Variants in PDE3B observed in about 807,000 individuals in gnomAD.
PDE3B encodes the protein cGMP-inhibited 3',5'-cyclic phosphodiesterase 3B.
Under a neutral mutation model 116.8 loss-of-function variants are expected in PDE3B, and 66 were observed. The observed-to-expected ratio is 0.56, with a 90% CI of 0.46 to 0.69. The LOEUF (loss-of-function observed/expected upper bound fraction) is 0.69. PDE3B is among the 30% of genes least tolerant of loss of function. The pLI, the probability that PDE3B is intolerant of heterozygous loss-of-function variation, is 0.00. For missense variants in PDE3B, 1,384 were observed against 1,368.1 expected (o/e 1.01, Z -0.18); for synonymous variants, 595 against 533.6 (o/e 1.12, Z -1.59).
At chr11:14,890,763 C>G in the PDE3B span, 1 of 614,794 alleles carries the variant, frequency 1.6e-6, no homozygotes, top group Non-Finnish European at 2.0e-6. Context: ...TTAGCCACGA[C>G]GGTCTCGATC....
chr11:14,659,824 C>T (rs1590038206), intron 1 of PDE3B, among the ~76,000 whole-genome samples: 1 of 152,178 alleles, frequency 6.6e-6, no homozygotes, highest in South Asian at 2.1e-4. Flanking sequence ...CCTATTTCTG[C>T]TTACCCTGAA....
At chr11:14,711,126 A>G (rs1007226710) in intron 1 of PDE3B, among the ~76,000 whole-genome samples, 8 of 152,240 alleles carry the variant, frequency 5.3e-5, no homozygotes, top group African/African-American at 1.9e-4. Context: ...CCGTATTGCA[A>G]GTAAACATCT....
intron 4 of PDE3B, 70 bp from the exon 5 acceptor site, chr11:14,803,874 G>T (rs889103219): frequency 2.1e-5 from 18 of 866,366 alleles, no homozygotes; most frequent in Admixed American, 1.3e-4. Flanking sequence ...ATTAAATTGA[G>T]AACCATGAGG....
chr11:14,661,965 G>A (rs1250504624), intron 1 of PDE3B, among the ~76,000 whole-genome samples: 1 of 152,134 alleles, frequency 6.6e-6, no homozygotes, highest in Non-Finnish European at 1.5e-5. Context: ...GGTTCTCCCA[G>A]CACGCAGCTG....
At chr11:14,749,317 TC>T (rs1310660340) in intron 1 of PDE3B, among the ~76,000 whole-genome samples, 6 of 152,210 alleles carry the variant, frequency 3.9e-5, no homozygotes, top group Non-Finnish European at 8.8e-5. Context: ...TGCTTGAATT[TC>T]CTTAAACACA....
intron 15 of PDE3B, among the ~76,000 whole-genome samples, chr11:14,868,925 G>A (rs1555008542): frequency 6.6e-6 from 1 of 152,128 alleles, no homozygotes; most frequent in African/African-American, 2.4e-5. Flanking sequence ...GGAGGCTGAG[G>A]CAGGAGAATG....
chr11:14,764,431 A>G (rs1857441496), intron 1 of PDE3B, among the ~76,000 whole-genome samples: 1 of 152,150 alleles, frequency 6.6e-6, no homozygotes, highest in Non-Finnish European at 1.5e-5. Flanking sequence ...AATCAGTAGA[A>G]TCACTAAGCC....
At chr11:14,851,121 C>T (rs550900179) in intron 12 of PDE3B, among the ~76,000 whole-genome samples, 1 of 152,082 alleles carries the variant, frequency 6.6e-6, no homozygotes, top group African/African-American at 2.4e-5. Flanking sequence ...CCACGCCTGG[C>T]CCTAAATACG....
At chr11:14,765,812 A>G (rs1370935411) in intron 1 of PDE3B, among the ~76,000 whole-genome samples, 2 of 149,452 alleles carry the variant, frequency 1.3e-5, no homozygotes, top group Non-Finnish European at 3.0e-5. Context: ...TAAAAATTTA[A>G]TTTTATTTAT....
At chr11:14,698,273 A>G (rs1232908291) in intron 1 of PDE3B, among the ~76,000 whole-genome samples, 2 of 151,930 alleles carry the variant, frequency 1.3e-5, no homozygotes, top group South Asian at 2.1e-4. Context: ...AATTCTATCA[A>G]ATACTTTTTC....
intron 9 of PDE3B, among the ~76,000 whole-genome samples, 179 bp downstream of exon 9, chr11:14,831,956 T>C (rs1302174457): frequency 1.7e-4 from 26 of 152,136 alleles, no homozygotes; most frequent in Admixed American, 1.7e-3. Flanking sequence ...TAGATCATAC[T>C]ATTATATATA....
chr11:14,743,234 G>C (rs1014674182), intron 1 of PDE3B, among the ~76,000 whole-genome samples: 4 of 152,180 alleles, frequency 2.6e-5, no homozygotes, highest in Non-Finnish European at 5.9e-5. Context: ...TGGGGCTGCT[G>C]CCTTTATTTC....
At chr11:14,652,976 G>A (rs1853609680) in intron 1 of PDE3B, among the ~76,000 whole-genome samples, 1 of 152,150 alleles carries the variant, frequency 6.6e-6, no homozygotes, top group African/African-American at 2.4e-5. Flanking sequence ...AGTTTTCAGT[G>A]TATGAGTCTT....
chr11:14,668,592 G>A (rs1234453926), intron 1 of PDE3B, among the ~76,000 whole-genome samples: 1 of 152,104 alleles, frequency 6.6e-6, no homozygotes, highest in South Asian at 2.1e-4. Flanking sequence ...TAAGAACTTA[G>A]CTGTGAATGG....
intron 1 of PDE3B, among the ~76,000 whole-genome samples, chr11:14,751,257 C>A: frequency 6.6e-6 from 1 of 152,080 alleles, no homozygotes; most frequent in South Asian, 2.1e-4. Context: ...TGTAGTGTTG[C>A]ACTTGCTAAG....
chr11:14,662,057 C>T (rs1344023314), intron 1 of PDE3B, among the ~76,000 whole-genome samples: 1 of 152,166 alleles, frequency 6.6e-6, no homozygotes, highest in Non-Finnish European at 1.5e-5. Context: ...GAGGCACCCC[C>T]AAGTAGGGGC....
At chr11:14,890,958 C>G in the PDE3B span, 177 of 985,412 alleles carry the variant, frequency 1.8e-4, 3 homozygotes, top group South Asian at 7.5e-3. Flanking sequence ...CTGACCACAG[C>G]CTGTGGCCGA....
At chr11:14,767,134 A>G (rs1857518449) in intron 1 of PDE3B, among the ~76,000 whole-genome samples, 1 of 151,626 alleles carries the variant, frequency 6.6e-6, no homozygotes, top group South Asian at 2.1e-4. Context: ...AGGAACAAAA[A>G]TCTTCAGTTT....
chr11:14,784,622 C>A (rs1292759052), intron 2 of PDE3B, among the ~76,000 whole-genome samples: 3 of 151,914 alleles, frequency 2.0e-5, no homozygotes, highest in African/African-American at 7.3e-5. Flanking sequence ...AACAGAGGAA[C>A]AAGGAACAGA....
Sources: allele counts gnomAD v4.1 joint callset (sites outside exome capture counted in the v4.1 genomes callset), GRCh38; gene constraint gnomAD v4.1.1; transcripts MANE v1.5; gene names NCBI Gene and HGNC (gene_info 2026-07-23, HGNC 2026-07-21).